Variants in NCKAP5 observed in about 807,000 individuals in gnomAD.
NCKAP5 encodes nck-associated protein 5.
NCKAP5 carries 92 observed loss-of-function variants against 167.0 expected under a neutral mutation model. The observed-to-expected ratio is 0.55, with a 90% CI of 0.47 to 0.66. NCKAP5 has a LOEUF of 0.66. Ranked by LOEUF, NCKAP5 falls within the 30% of genes least tolerant of loss-of-function variation. NCKAP5 has a pLI of 0.00. For synonymous variants in NCKAP5, 891 were observed against 877.4 expected (o/e 1.02, Z -0.27); for missense variants, 2,378 against 2,315.0 (o/e 1.03, Z -0.56).
At chr2:132,821,300 T>G (rs780599312) in intron 11 of NCKAP5, among the ~76,000 whole-genome samples, 1 of 152,142 alleles carries the variant, frequency 6.6e-6, no homozygotes, top group Non-Finnish European at 1.5e-5. Flanking sequence ...GGATTTAACC[T>G]TACCTAGGGA....
At chr2:133,106,292 C>CAAA (rs10612612) in intron 6 of NCKAP5, among the ~76,000 whole-genome samples, 3 of 76,850 alleles carry the variant, frequency 3.9e-5, no homozygotes, top group African/African-American at 8.9e-5. Context: ...GACTCCGTCT[C>CAAA]AAAAAAAAAA....
intron 5 of NCKAP5, among the ~76,000 whole-genome samples, chr2:133,152,737 G>C (rs1411338508): frequency 6.6e-6 from 1 of 152,150 alleles, no homozygotes; most frequent in Non-Finnish European, 1.5e-5. Flanking sequence ...ATATAACAAA[G>C]TTTTGGTCAA....
intron 6 of NCKAP5, among the ~76,000 whole-genome samples, chr2:133,112,824 G>T (rs551268475): frequency 2.2e-4 from 33 of 152,114 alleles, no homozygotes; most frequent in Non-Finnish European, 4.4e-4. Context: ...CCACTAAATG[G>T]GGCACAAGGT....
At chr2:133,638,953 G>C in the NCKAP5 span, among the ~76,000 whole-genome samples, 1 of 151,482 alleles carries the variant, frequency 6.6e-6, no homozygotes, top group East Asian at 1.9e-4. Flanking sequence ...ATTGTTGCAA[G>C]AATGTAAGAG....
At chr2:132,934,874 T>G (rs1696722074) in intron 8 of NCKAP5, among the ~76,000 whole-genome samples, 1 of 152,174 alleles carries the variant, frequency 6.6e-6, no homozygotes, top group Admixed American at 6.5e-5. Flanking sequence ...TCACCTCTTG[T>G]ATGTGAATAT....
intron 8 of NCKAP5, among the ~76,000 whole-genome samples, chr2:132,917,438 T>C (rs1694972748): frequency 6.6e-6 from 1 of 152,196 alleles, no homozygotes; most frequent in Admixed American, 6.5e-5. Context: ...ACCGCCAGGA[T>C]TGGTAATTTT....
intron 5 of NCKAP5, among the ~76,000 whole-genome samples, chr2:133,145,065 T>C (rs2083138802): frequency 6.6e-6 from 1 of 152,164 alleles, no homozygotes; most frequent in South Asian, 2.1e-4. Flanking sequence ...TGTTGACAGA[T>C]GCTAACACCT....
At chr2:133,137,390 G>A (rs1371470594) in intron 5 of NCKAP5, among the ~76,000 whole-genome samples, 1 of 148,586 alleles carries the variant, frequency 6.7e-6, no homozygotes, top group Non-Finnish European at 1.5e-5. Flanking sequence ...ACTAAAAAAA[G>A]ATGCAGAGCT....
the NCKAP5 span, among the ~76,000 whole-genome samples, chr2:133,648,320 C>T: frequency 2.0e-5 from 3 of 151,828 alleles, no homozygotes; most frequent in East Asian, 3.9e-4. Flanking sequence ...TAAGAAACTT[C>T]GACACCGCAT....
At chr2:133,379,265 C>T (rs182001439) in intron 3 of NCKAP5, among the ~76,000 whole-genome samples, 4 of 152,266 alleles carry the variant, frequency 2.6e-5, no homozygotes, top group African/African-American at 7.2e-5. Flanking sequence ...CAGTAAATCC[C>T]GACGTGCATA....
intron 6 of NCKAP5, among the ~76,000 whole-genome samples, chr2:133,048,054 A>G (rs1161017861): frequency 2.6e-5 from 4 of 152,190 alleles, no homozygotes; most frequent in African/African-American, 9.7e-5. Flanking sequence ...TCCTTTTAGT[A>G]TGAGATGATG....
chr2:133,536,539 G>C (rs1251271188), intron 2 of NCKAP5, among the ~76,000 whole-genome samples: 1 of 152,022 alleles, frequency 6.6e-6, no homozygotes, highest in Non-Finnish European at 1.5e-5. Context: ...GGCCAGTATA[G>C]CCTTGTAGTA....
intron 8 of NCKAP5, among the ~76,000 whole-genome samples, chr2:132,952,458 C>T (rs185806937): frequency 5.3e-5 from 8 of 152,294 alleles, no homozygotes; most frequent in Non-Finnish European, 8.8e-5. Context: ...AGACCCCCCC[C>T]ACTCCTTGGC....
chr2:133,644,434 A>G, the NCKAP5 span, among the ~76,000 whole-genome samples: 175 of 152,232 alleles, frequency 1.1e-3, 3 homozygotes, highest in East Asian at 0.027. Flanking sequence ...TCATGAAATC[A>G]TTTGCCTGCC....
At chr2:133,205,416 C>A (rs768109225) in intron 5 of NCKAP5, among the ~76,000 whole-genome samples, 10 of 152,152 alleles carry the variant, frequency 6.6e-5, no homozygotes, top group Non-Finnish European at 1.2e-4. Context: ...TGTAATTCTA[C>A]TTCCATTATA....
chr2:133,121,257 C>T (rs1326645663), intron 6 of NCKAP5, among the ~76,000 whole-genome samples: 1 of 152,002 alleles, frequency 6.6e-6, no homozygotes, highest in Non-Finnish European at 1.5e-5. Flanking sequence ...TGGACAGTAA[C>T]CTGTAGGTTC....
intron 6 of NCKAP5, among the ~76,000 whole-genome samples, chr2:133,015,626 T>C (rs2078307158): frequency 6.6e-6 from 1 of 152,168 alleles, no homozygotes; most frequent in Non-Finnish European, 1.5e-5. Context: ...GAGTGGACAT[T>C]GTATTTCCAT....
At chr2:133,098,127 A>G (rs2081398353) in intron 6 of NCKAP5, among the ~76,000 whole-genome samples, 1 of 152,252 alleles carries the variant, frequency 6.6e-6, no homozygotes. Context: ...GAGCTATTCC[A>G]AAGATGAAAC....
At chr2:132,746,146 G>A (rs946110617) in intron 16 of NCKAP5, among the ~76,000 whole-genome samples, 2 of 151,974 alleles carry the variant, frequency 1.3e-5, no homozygotes, top group African/African-American at 4.8e-5. Flanking sequence ...GTCTGACACT[G>A]CCTGAATTCT....
Sources: allele counts gnomAD v4.1 joint callset (sites outside exome capture counted in the v4.1 genomes callset), GRCh38; gene constraint gnomAD v4.1.1; transcripts MANE v1.5; gene names NCBI Gene and HGNC (gene_info 2026-07-23, HGNC 2026-07-21).